Variants in CADPS2 observed in about 807,000 individuals in gnomAD.
CADPS2 encodes calcium dependent secretion activator 2, also known as calcium-dependent secretion activator 2.
A neutral mutation model predicts 172.5 loss-of-function variants in CADPS2; 93 were observed. That is an observed-to-expected ratio of 0.54 (90% CI 0.46 to 0.64). CADPS2 has a LOEUF of 0.64. Among genes scored for constraint, CADPS2 ranks in the 30% least tolerant of loss-of-function variants. The pLI is 0.00. For missense variants in CADPS2, 1,420 were observed against 1,565.9 expected (o/e 0.91, Z 1.57); for synonymous variants, 546 against 555.2 (o/e 0.98, Z 0.23).
chr7:122,603,657 A>T (rs2073103601), intron 6 of CADPS2, among the ~76,000 whole-genome samples: 1 of 152,148 alleles, frequency 6.6e-6, no homozygotes, highest in African/African-American at 2.4e-5. Flanking sequence ...TAGCCATAGT[A>T]ACACAGCTAA....
chr7:122,595,973 C>T (rs1263448810), intron 6 of CADPS2, among the ~76,000 whole-genome samples: 4 of 152,078 alleles, frequency 2.6e-5, no homozygotes, highest in Admixed American at 2.6e-4. Context: ...GGAATACTAG[C>T]ACTGCGGTCC....
chr7:122,603,867 G>C (rs2073130935), intron 6 of CADPS2, among the ~76,000 whole-genome samples: 1 of 152,126 alleles, frequency 6.6e-6, no homozygotes, highest in Admixed American at 6.6e-5. Flanking sequence ...TGAAGAGTAG[G>C]ACAGTGGTTG....
chr7:122,624,425 C>T, intron 4 of CADPS2, among the ~76,000 whole-genome samples: 1 of 152,100 alleles, frequency 6.6e-6, no homozygotes, highest in East Asian at 1.9e-4. Flanking sequence ...CGCTCTTAAC[C>T]TTCCATTAGA....
rs2072924023 is a variant in CADPS2, at chr7:122,602,433, T to TA, written c.1223+12747dup. Among the ~76,000 whole-genome samples the TA allele has an allele frequency of 2.0e-5, 3 of 152,196 alleles. No individual in the cohort carries two copies. The South Asian group carries it at 6.2e-4, about 32-fold the overall frequency. ...AAATGAACATCTTTTGCTCTGAAGC[T>TA]ATACATAAGTCACTAGCATGAATAT... On this transcript the variant is annotated intron_variant, in intron 6 of 29. Coordinates refer to ENST00000449022, the MANE Select transcript of CADPS2 (RefSeq NM_017954.11).
chr7:122,772,852 T>A (rs1417632041), intron 1 of CADPS2, among the ~76,000 whole-genome samples: 1 of 151,804 alleles, frequency 6.6e-6, no homozygotes, highest in Non-Finnish European at 1.5e-5. Flanking sequence ...TACAAGAAAA[T>A]AAAGGTAAAA....
intron 7 of CADPS2, among the ~76,000 whole-genome samples, chr7:122,561,686 A>C (rs957526437): frequency 6.6e-6 from 1 of 151,912 alleles, no homozygotes; most frequent in Admixed American, 6.6e-5. Context: ...TCTTTAAGAC[A>C]TTTTTTTTCA....
chr7:122,828,368 ATC>A lies in CADPS2; in HGVS notation c.339+57629_339+57630del, dbSNP rs201842473. ...GGTTCCTTTTTTTTTTATCCACTCT[ATC>A]TCTGTTTTTTGTAAGCTTAGAACTT... On this transcript the variant is annotated intron_variant, in intron 1 of 29. Transcript: ENST00000449022. Among the ~76,000 whole-genome samples, 767 of 150,834 alleles carry A rather than the reference ATC, an allele frequency of 5.1e-3. 4 individuals are homozygous for A. The highest frequency in any genetic ancestry group is 0.011 in the African/African-American group (436 of 41,074).
chr7:122,821,569 G>T (rs1426006986), intron 1 of CADPS2, among the ~76,000 whole-genome samples: 2 of 152,068 alleles, frequency 1.3e-5, no homozygotes, highest in Non-Finnish European at 2.9e-5. Context: ...TTCCTACAGG[G>T]TCTGAGATGG....
At chr7:122,477,403 C>T (rs1345420152) in intron 12 of CADPS2, among the ~76,000 whole-genome samples, 3 of 152,020 alleles carry the variant, frequency 2.0e-5, no homozygotes, top group Non-Finnish European at 4.4e-5. Flanking sequence ...GTAATCCCAG[C>T]TACTTGGGAG....
chr7:122,769,073 C>T (rs2093636304), intron 1 of CADPS2, among the ~76,000 whole-genome samples: 1 of 152,070 alleles, frequency 6.6e-6, no homozygotes, highest in Non-Finnish European at 1.5e-5. Context: ...AGATACAGAC[C>T]ACAAGAGTTT....
intron 23 of CADPS2, among the ~76,000 whole-genome samples, chr7:122,387,374 A>C (rs1233238328): frequency 6.6e-6 from 1 of 152,076 alleles, no homozygotes; most frequent in Non-Finnish European, 1.5e-5. Flanking sequence ...TCATATTTTT[A>C]TATTAAGCCT....
At chr7:122,414,459 A>T (rs918233870) in intron 18 of CADPS2, among the ~76,000 whole-genome samples, 2 of 152,216 alleles carry the variant, frequency 1.3e-5, no homozygotes, top group Admixed American at 1.3e-4. Context: ...ACACTCTGAC[A>T]ATAATGCCTT....
chr7:122,626,181 C>T (rs986044697), intron 4 of CADPS2, among the ~76,000 whole-genome samples: 1 of 151,974 alleles, frequency 6.6e-6, no homozygotes, highest in African/African-American at 2.4e-5. Context: ...AGGAACTTTT[C>T]TTTTTTTCTC....
chr7:122,860,037 AT>A (rs1816509933), intron 1 of CADPS2, among the ~76,000 whole-genome samples: 1 of 152,148 alleles, frequency 6.6e-6, no homozygotes, highest in Non-Finnish European at 1.5e-5. Flanking sequence ...ATTCATCCAA[AT>A]AGAACGTTCT....
intron 1 of CADPS2, among the ~76,000 whole-genome samples, chr7:122,754,848 T>G (rs2093094507): frequency 6.6e-6 from 1 of 152,224 alleles, no homozygotes; most frequent in Non-Finnish European, 1.5e-5. Flanking sequence ...ATTACTGAAT[T>G]AAATGAAAAT....
At chr7:122,833,353 A>T (rs752140658) in intron 1 of CADPS2, among the ~76,000 whole-genome samples, 1 of 151,992 alleles carries the variant, frequency 6.6e-6, no homozygotes, top group African/African-American at 2.4e-5. Flanking sequence ...TTATTTATTT[A>T]TTTTATTTTA....
chr7:122,646,878 T>G (rs959751496), intron 3 of CADPS2, among the ~76,000 whole-genome samples: 1 of 152,086 alleles, frequency 6.6e-6, no homozygotes, highest in Non-Finnish European at 1.5e-5. Context: ...TCTCCAGCTA[T>G]GGCAATTGCT....
At chr7:122,550,437 T>C (rs972112740) in intron 8 of CADPS2, among the ~76,000 whole-genome samples, 4 of 152,204 alleles carry the variant, frequency 2.6e-5, no homozygotes, top group Non-Finnish European at 4.4e-5. Flanking sequence ...ATTATAGTTA[T>C]ATAGTTACGA....
At chr7:122,797,383 G>T (rs1488554645) in intron 1 of CADPS2, among the ~76,000 whole-genome samples, 4 of 152,026 alleles carry the variant, frequency 2.6e-5, no homozygotes, top group Non-Finnish European at 5.9e-5. Flanking sequence ...TTCTATTAAA[G>T]ACACACATGC....
Sources: gnomAD v4.1 joint callset for allele counts (sites outside exome capture counted in the v4.1 genomes callset) on GRCh38, gnomAD v4.1.1 for gene constraint, MANE v1.5 for transcripts, NCBI Gene and HGNC (gene_info 2026-07-23, HGNC 2026-07-21) for gene names.